PCBP2: variants seen among roughly 807,000 people sequenced by gnomAD.
The protein encoded by PCBP2 is poly(rC) binding protein 2.
PCBP2 carries 4 observed loss-of-function variants against 50.1 expected under a neutral mutation model. That is an observed-to-expected ratio of 0.08 (90% CI 0.04 to 0.18). The LOEUF is 0.18. PCBP2 is among the 10% of genes least tolerant of loss of function. PCBP2 has a pLI of 1.00. For missense variants in PCBP2, 161 were observed against 474.3 expected (o/e 0.34, Z 6.14); for synonymous variants, 179 against 168.0 (o/e 1.07, Z -0.51).
intron 9 of PCBP2, 65 bp from the exon 10 acceptor site, chr12:53,465,867 T>C: frequency 7.6e-7 from 1 of 1,316,182 alleles, no homozygotes; most frequent in South Asian, 1.2e-5. Flanking sequence ...GAAATGTCTT[T>C]TTCCCCCCAC....
Position 53,463,506 on chromosome 12 carries a change from T to C in PCBP2, c.579+939T>C, listed in dbSNP as rs138527101. 1.6e-4 allele frequency among the ~76,000 whole-genome samples: 25 copies of C among 152,342 alleles called. 1 individual carries two copies. Among genetic ancestry groups the C allele is most frequent in the African/African-American group, 6.0e-4 (25 of 41,572 alleles). ...TAAACAATAGAGTATAACAAGTATT[T>C]ACATAGTATTTACATTGTATTAGGT... On this transcript the variant is annotated intron_variant, in intron 8 of 14. Coordinates refer to ENST00000546463, the MANE Select transcript of PCBP2 (RefSeq NM_031989.5).
chr12:53,453,139 G>C (rs866450869), intron 1 of PCBP2: 2 of 151,940 alleles, frequency 1.3e-5, no homozygotes, highest in South Asian at 2.1e-4. Flanking sequence ...TGGATTACTT[G>C]GTTTGGAGTT....
At chr12:53,462,345 AG>A in intron 7 of PCBP2, 147 bp from the exon 8 acceptor site, 1 of 534,612 alleles carries the variant, frequency 1.9e-6, no homozygotes, top group African/African-American at 2.0e-5. Flanking sequence ...AGATAAATTG[AG>A]ATTAGATCTA....
intron 6 of PCBP2, 116 bp downstream of exon 6, chr12:53,459,519 A>G (rs1041357376): frequency 3.8e-6 from 3 of 798,474 alleles, no homozygotes; most frequent in Non-Finnish European, 5.8e-6. Context: ...TAACAGTTCT[A>G]GAGGATTACA....
At chr12:53,474,885 C>T (rs1276239704) in intron 14 of PCBP2, 2 of 433,332 alleles carry the variant, frequency 4.6e-6, no homozygotes, top group African/African-American at 2.0e-5. Context: ...AAACGCTAAA[C>T]CCTCCTCCCA....
At chr12:53,455,391 CTTCAAT>C (rs1366448148) in intron 3 of PCBP2, 21 bp downstream of exon 3, 1 of 1,613,902 alleles carries the variant, frequency 6.2e-7, no homozygotes, top group Non-Finnish European at 8.5e-7. Context: ...TTCACTTCAA[CTTCAAT>C]TACCATTTAG....
At chr12:53,468,936 T>TTA (rs11447052) in intron 13 of PCBP2, 104 bp downstream of exon 13, 17 of 852,322 alleles carry the variant, frequency 2.0e-5, no homozygotes, top group Non-Finnish European at 2.9e-5. Flanking sequence ...TTTTTTTTTT[T>TTA]AAACAGCCCA....
chr12:53,469,023 C>T (rs890337905), intron 13 of PCBP2, among the ~76,000 whole-genome samples, 191 bp downstream of exon 13: 11 of 151,666 alleles, frequency 7.3e-5, no homozygotes, highest in African/African-American at 2.4e-4. Flanking sequence ...CTGCCTCAAC[C>T]TCCTGAGTAG....
intron 8 of PCBP2, among the ~76,000 whole-genome samples, chr12:53,464,232 C>T (rs767242557): frequency 1.3e-5 from 2 of 152,034 alleles, no homozygotes; most frequent in African/African-American, 4.8e-5. Flanking sequence ...ATCCTCTGTA[C>T]TTAAAATTCT....
chr12:53,464,890 C>T, intron 9 of PCBP2, 38 bp downstream of exon 9: 1 of 1,560,500 alleles, frequency 6.4e-7, no homozygotes, highest in Non-Finnish European at 8.6e-7. Context: ...CTCACTCAAT[C>T]CTTCCGCCTC....
At chr12:53,467,098 C>T (rs1941878982) in intron 10 of PCBP2, 123 bp from the exon 11 acceptor site, 11 of 681,306 alleles carry the variant, frequency 1.6e-5, no homozygotes, top group South Asian at 1.2e-4. Context: ...TCCCTACCCT[C>T]TGTTGTAGTT....
chr12:53,477,194 A>G (rs1942645789), intron 14 of PCBP2, among the ~76,000 whole-genome samples: 1 of 152,090 alleles, frequency 6.6e-6, no homozygotes, highest in African/African-American at 2.4e-5. Flanking sequence ...TGGTGGGGCC[A>G]GAGTGCTACC....
intron 14 of PCBP2, among the ~76,000 whole-genome samples, chr12:53,478,603 A>G (rs1457299216): frequency 6.6e-5 from 10 of 152,222 alleles, no homozygotes. Flanking sequence ...CAGGAGTTTA[A>G]GACCTGCCTG....
intron 8 of PCBP2, among the ~76,000 whole-genome samples, chr12:53,463,934 G>C (rs911165659): frequency 6.6e-6 from 1 of 152,198 alleles, no homozygotes; most frequent in Non-Finnish European, 1.5e-5. Context: ...GTTTTTAGAG[G>C]TTTAGTTTGT....
chr12:53,469,703 G>C (rs1242189784), intron 13 of PCBP2, among the ~76,000 whole-genome samples: 2 of 151,772 alleles, frequency 1.3e-5, no homozygotes, highest in African/African-American at 4.8e-5. Context: ...CTCCAGCCTG[G>C]GCAACAAGAG....
chr12:53,479,454 T>C lies in PCBP2; in HGVS notation c.*12T>C, dbSNP rs779018882. The C allele has an allele frequency of 6.2e-6, 10 of 1,612,276 alleles. No individual in the cohort carries two copies. The East Asian group carries it at 2.2e-4, about 36-fold the overall frequency. Reference sequence around the variant, plus strand: ...TGGGGAGCAGCTAGAACAATGCAGATTCATCCATAATCCCTTTCTGCTGTT... The same window carrying C: ...TGGGGAGCAGCTAGAACAATGCAGACTCATCCATAATCCCTTTCTGCTGTT... On this transcript the variant is annotated 3_prime_UTR_variant, in exon 15 of 15. Coordinates refer to ENST00000546463, the MANE Select transcript of PCBP2 (RefSeq NM_031989.5).
At chr12:53,474,593 T>G (rs1161167265) in intron 14 of PCBP2, among the ~76,000 whole-genome samples, 1 of 152,216 alleles carries the variant, frequency 6.6e-6, no homozygotes, top group African/African-American at 2.4e-5. Flanking sequence ...GTGTGTCAGA[T>G]ACATGAAGTA....
At chr12:53,456,664 T>C (rs1333062445) in intron 5 of PCBP2, among the ~76,000 whole-genome samples, 1 of 152,208 alleles carries the variant, frequency 6.6e-6, no homozygotes, top group Non-Finnish European at 1.5e-5. Flanking sequence ...AAAAAGTCAA[T>C]CTGCTAACAT....
At chr12:53,457,347 C>T (rs1267971348) in intron 5 of PCBP2, among the ~76,000 whole-genome samples, 1 of 151,420 alleles carries the variant, frequency 6.6e-6, no homozygotes, top group East Asian at 2.0e-4. Context: ...CCACCATGCC[C>T]AGCCTGGAAT....
Sources: allele counts gnomAD v4.1 joint callset (sites outside exome capture counted in the v4.1 genomes callset), GRCh38; gene constraint gnomAD v4.1.1; transcripts MANE v1.5; gene names NCBI Gene and HGNC (gene_info 2026-07-23, HGNC 2026-07-21).